Variants in EIF3D observed in about 807,000 individuals in gnomAD.
The protein encoded by EIF3D is eIF3 p66.
In EIF3D, 10 loss-of-function variants were observed where a neutral mutation model predicts 75.4. That is an observed-to-expected ratio of 0.13 (90% CI 0.08 to 0.22). The LOEUF (loss-of-function observed/expected upper bound fraction) is 0.22. Ranked by LOEUF, EIF3D falls within the 10% of genes least tolerant of loss-of-function variation. The pLI, the probability that EIF3D is intolerant of heterozygous loss-of-function variation, is 1.00. For synonymous variants in EIF3D, 246 were observed against 248.3 expected (o/e 0.99, Z 0.09); for missense variants, 394 against 708.0 (o/e 0.56, Z 5.03).
At chr22:36,525,851 T>C (rs1934589963) in intron 2 of EIF3D, 142 bp from the exon 3 acceptor site, 4 of 1,456,884 alleles carry the variant, frequency 2.7e-6, no homozygotes, top group Non-Finnish European at 3.7e-6. Context: ...CCAGCTCTTC[T>C]ATGACTACAC....
intron 3 of EIF3D, among the ~76,000 whole-genome samples, chr22:36,525,407 C>G (rs1934584014): frequency 6.6e-6 from 1 of 151,960 alleles, no homozygotes; most frequent in African/African-American, 2.4e-5. Context: ...CCACGCCCAG[C>G]TAATGTTTTC....
chr22:36,526,242 C>A, intron 1 of EIF3D, 111 bp from the exon 2 acceptor site: 1 of 1,199,652 alleles, frequency 8.3e-7, no homozygotes, highest in Non-Finnish European at 1.1e-6. Flanking sequence ...AAAAGCAACA[C>A]GCAAAATGGA....
chr22:36,515,702 C>T (rs1340282780), intron 12 of EIF3D, among the ~76,000 whole-genome samples: 1 of 152,044 alleles, frequency 6.6e-6, no homozygotes, highest in African/African-American at 2.4e-5. Context: ...AGGAGGGGAG[C>T]CAGCAAAGAC....
In EIF3D at chr22:36,527,713, C is replaced by T. The variant is rs141894062; in HGVS notation, c.-11+1363G>A. Among the ~76,000 whole-genome samples, 798 of 152,284 alleles carry T rather than the reference C, an allele frequency of 5.2e-3. 5 individuals carry two copies. The highest frequency in any genetic ancestry group is 0.018 in the African/African-American group (756 of 41,562). On this transcript the variant is annotated intron_variant, in intron 1 of 14. Transcript: ENST00000216190. Reference sequence around the variant, plus strand: ...AATTAGCTGGGCGTGGTGGCGGGCACCTGTAATACCAGCTACTCAGGAGGC... The same window carrying T: ...AATTAGCTGGGCGTGGTGGCGGGCATCTGTAATACCAGCTACTCAGGAGGC...
Position 36,527,141 on chromosome 22 carries a change from TC to T in EIF3D, c.-10-1011del, listed in dbSNP as rs747715860. Among the ~76,000 whole-genome samples, 87 of 152,022 alleles carry T rather than the reference TC, an allele frequency of 5.7e-4. 1 individual carries two copies. Among genetic ancestry groups the T allele is most frequent in the Middle Eastern group, 6.8e-3 (2 of 294 alleles). On this transcript the variant is annotated intron_variant, in intron 1 of 14. Coordinates refer to ENST00000216190, the MANE Select transcript of EIF3D (RefSeq NM_003753.4). ...AAGAACTGCCAGAGGGCCAAGGAGG[TC>T]CCCACAGACCTCAGGCCCAAAGTTG...
At chr22:36,511,471 C>G in intron 14 of EIF3D, 32 bp downstream of exon 14, 1 of 1,612,240 alleles carries the variant, frequency 6.2e-7, no homozygotes, top group Non-Finnish European at 8.5e-7. Flanking sequence ...CCACAGATCA[C>G]TCTAGACCTC....
intron 12 of EIF3D, 159 bp downstream of exon 12, chr22:36,516,319 C>A (rs1026352320): frequency 5.8e-5 from 46 of 792,362 alleles, no homozygotes; most frequent in Non-Finnish European, 7.9e-5. Context: ...AGGAACTAAG[C>A]AGAGGAAAAA....
chr22:36,523,295 C>T lies in EIF3D; in HGVS notation c.393-14G>A. 2 of 1,609,046 alleles carry T rather than the reference C, an allele frequency of 1.2e-6. No individual in the cohort carries two copies. The highest frequency in any genetic ancestry group is 1.1e-5 in the South Asian group (1 of 90,620). ...CGAATGCGTTCTCTGGAAAGACAGA[C>T]ATATGATCTCAGTGCAGACCTTTAA... On this transcript the variant is annotated splice_polypyrimidine_tract_variant and intron_variant, in intron 5 of 14. Coordinates refer to ENST00000216190, the MANE Select transcript of EIF3D (RefSeq NM_003753.4).
chr22:36,525,238 ACTTTT>A (rs774973442), intron 3 of EIF3D, among the ~76,000 whole-genome samples: 3,171 of 117,560 alleles, frequency 0.027, 59 homozygotes, highest in Non-Finnish European at 0.042. Flanking sequence ...CAGGGGTTTT[ACTTTT>A]TTTTTTTTTT....
intron 2 of EIF3D, 63 bp from the exon 3 acceptor site, chr22:36,525,772 GAA>G: frequency 6.3e-7 from 1 of 1,587,138 alleles, no homozygotes; most frequent in Non-Finnish European, 8.6e-7. Flanking sequence ...TGCAGAACCA[GAA>G]ATCCCTGAGC....
chr22:36,512,348 G>T, intron 13 of EIF3D, 112 bp downstream of exon 13: 1 of 1,467,720 alleles, frequency 6.8e-7, no homozygotes. Flanking sequence ...CCCACCCCTG[G>T]ATTTATCTCT....
At chr22:36,527,059 T>C (rs1191155487) in intron 1 of EIF3D, among the ~76,000 whole-genome samples, 1 of 152,248 alleles carries the variant, frequency 6.6e-6, no homozygotes, top group Non-Finnish European at 1.5e-5. Context: ...ATTGTTTCAA[T>C]TTTCTGCCAT....
chr22:36,523,121 T>C, intron 6 of EIF3D, 88 bp downstream of exon 6: 1 of 1,064,698 alleles, frequency 9.4e-7, no homozygotes, highest in Admixed American at 1.7e-5. Flanking sequence ...GTACGGTATG[T>C]GAAGTATATC....
intron 1 of EIF3D, among the ~76,000 whole-genome samples, chr22:36,528,138 G>C (rs1208746518): frequency 2.0e-5 from 3 of 151,878 alleles, no homozygotes; most frequent in Non-Finnish European, 4.4e-5. Context: ...AAAATTTGAA[G>C]CTCAGCCTAC....
chr22:36,521,443 T>C (rs761826226), intron 6 of EIF3D, among the ~76,000 whole-genome samples: 4 of 152,196 alleles, frequency 2.6e-5, no homozygotes, highest in South Asian at 4.1e-4. Flanking sequence ...CAACAAAATG[T>C]AGCTTCACTT....
At chr22:36,524,284 TA>T (rs1372793207) in intron 4 of EIF3D, among the ~76,000 whole-genome samples, 1 of 152,202 alleles carries the variant, frequency 6.6e-6, no homozygotes, top group African/African-American at 2.4e-5. Flanking sequence ...ATCTACTTAA[TA>T]AAGTCTGCAC....
At chr22:36,522,963 C>T (rs535304599) in intron 6 of EIF3D, among the ~76,000 whole-genome samples, 40 of 152,182 alleles carry the variant, frequency 2.6e-4, no homozygotes, top group Non-Finnish European at 4.6e-4. Context: ...TTATAACTTA[C>T]CCACTCTCAG....
chr22:36,518,507 A>AC (rs1002168308), intron 9 of EIF3D, among the ~76,000 whole-genome samples: 17 of 151,556 alleles, frequency 1.1e-4, no homozygotes, highest in South Asian at 2.1e-4. Flanking sequence ...AAAAAAAAAA[A>AC]AACAACAAAA....
chr22:36,521,668 T>G (rs548460117), intron 6 of EIF3D, among the ~76,000 whole-genome samples: 172 of 151,868 alleles, frequency 1.1e-3, no homozygotes, highest in African/African-American at 4.1e-3. Context: ...GCCTCACGCC[T>G]GTAATCCCAG....
Sources: allele counts gnomAD v4.1 joint callset (sites outside exome capture counted in the v4.1 genomes callset), GRCh38; gene constraint gnomAD v4.1.1; transcripts MANE v1.5; gene names NCBI Gene and HGNC (gene_info 2026-07-23, HGNC 2026-07-21).